The following SDK1 variants were observed in gnomAD, a reference collection of about 807,000 sequenced individuals.
SDK1 encodes the protein sidekick cell adhesion molecule 1.
SDK1 carries 157 observed loss-of-function variants against 245.5 expected under a neutral mutation model. The observed-to-expected ratio is 0.64, with a 90% confidence interval of 0.56 to 0.73. The LOEUF is 0.73. SDK1 is among the 30% of genes least tolerant of loss of function. The probability of loss-of-function intolerance (pLI) is 0.00; values close to 1 mark genes in which losing one functional copy is unlikely to be tolerated. For missense variants in SDK1, 3,583 were observed against 3,002.3 expected (o/e 1.19, Z -4.52); for synonymous variants, 1,647 against 1,278.5 (o/e 1.29, Z -6.15).
At chr7:3,692,394 G>C (rs992142) in intron 4 of SDK1, among the ~76,000 whole-genome samples, 125,292 of 152,072 alleles carry the variant, frequency 0.82, 51,771 homozygotes, top group Non-Finnish European at 0.86. Context: ...TGTGTATTTA[G>C]AATTTGGGAT....
chr7:3,651,630 C>G (rs949873560), intron 4 of SDK1, among the ~76,000 whole-genome samples: 2 of 152,110 alleles, frequency 1.3e-5, no homozygotes, highest in African/African-American at 4.8e-5. Flanking sequence ...GAGACCAATG[C>G]TATGACGTTT....
At chr7:3,795,465 A>G (rs1223536014) in intron 4 of SDK1, among the ~76,000 whole-genome samples, 5 of 152,120 alleles carry the variant, frequency 3.3e-5, no homozygotes, top group Admixed American at 2.6e-4. Context: ...AAGTGCGCTG[A>G]ACTCCTTCAG....
chr7:3,350,844 A>C (rs1232326294), intron 1 of SDK1, among the ~76,000 whole-genome samples: 2 of 152,188 alleles, frequency 1.3e-5, no homozygotes, highest in African/African-American at 2.4e-5. Context: ...CTGTTAAAAT[A>C]GTTTTTTCCC....
chr7:3,739,827 A>G (rs562938881), intron 4 of SDK1, among the ~76,000 whole-genome samples: 1 of 151,802 alleles, frequency 6.6e-6, no homozygotes, highest in South Asian at 2.1e-4. Context: ...TTCTTTGCAT[A>G]TTTCATAAAT....
At chr7:4,080,491 G>A (rs1263820124) in intron 22 of SDK1, among the ~76,000 whole-genome samples, 4 of 152,108 alleles carry the variant, frequency 2.6e-5, no homozygotes, top group African/African-American at 4.8e-5. Flanking sequence ...ACTGCAAGAC[G>A]ATCCACTCCT....
Position 4,019,894 on chromosome 7 carries a change from A to G in SDK1, c.2602+2542A>G, listed in dbSNP as rs779442898. 9.3e-4 allele frequency among the ~76,000 whole-genome samples: 142 copies of G among 152,018 alleles called. 1 individual carries two copies. The highest frequency in any genetic ancestry group is 7.2e-4 in the Non-Finnish European group (49 of 68,014). On this transcript the variant is annotated intron_variant, in intron 17 of 44. Coordinates refer to ENST00000404826, the MANE Select transcript of SDK1 (RefSeq NM_152744.4). ...TGTTCCCTTTTAAGCCTGGTGTGGA[A>G]ACACAGGTGGCCCCGTCCTCCCTTT...
chr7:4,110,368 C>T (rs1368723942), intron 22 of SDK1, among the ~76,000 whole-genome samples: 1 of 152,216 alleles, frequency 6.6e-6, no homozygotes, highest in Admixed American at 6.5e-5. Flanking sequence ...TGATGGCCTC[C>T]AAGCCCTCAG....
intron 1 of SDK1, among the ~76,000 whole-genome samples, chr7:3,476,616 G>A (rs982386988): frequency 2.6e-5 from 4 of 152,108 alleles, no homozygotes; most frequent in African/African-American, 9.7e-5. Context: ...TTTTGATTCT[G>A]TTAATGGTGG....
chr7:4,226,949 T>C (rs555772719), intron 40 of SDK1, among the ~76,000 whole-genome samples: 13 of 152,000 alleles, frequency 8.6e-5, no homozygotes, highest in Non-Finnish European at 1.8e-4. Context: ...TTTTTTTTTT[T>C]TCTTAAATAA....
intron 5 of SDK1, among the ~76,000 whole-genome samples, chr7:3,877,239 T>C (rs917085538): frequency 3.9e-5 from 6 of 152,210 alleles, no homozygotes; most frequent in East Asian, 1.9e-4. Flanking sequence ...CCCTGTTTTT[T>C]CCATGCATTG....
At chr7:4,229,212 C>T (rs1785604310) in intron 40 of SDK1, among the ~76,000 whole-genome samples, 1 of 152,102 alleles carries the variant, frequency 6.6e-6, no homozygotes, top group African/African-American at 2.4e-5. Context: ...AGAGTGGACG[C>T]CTTACCAGCT....
chr7:3,709,437 G>A (rs1784976080), intron 4 of SDK1, among the ~76,000 whole-genome samples: 1 of 152,180 alleles, frequency 6.6e-6, no homozygotes, highest in African/African-American at 2.4e-5. Flanking sequence ...CACTAGGTAG[G>A]GTTAAGGCTT....
chr7:3,372,538 T>C (rs1275480731), intron 1 of SDK1, among the ~76,000 whole-genome samples: 1 of 152,140 alleles, frequency 6.6e-6, no homozygotes, highest in African/African-American at 2.4e-5. Context: ...CTGAGGACAA[T>C]TCAATACCTC....
intron 1 of SDK1, among the ~76,000 whole-genome samples, chr7:3,435,392 T>A (rs112974599): frequency 0.16 from 22,356 of 142,708 alleles, 2,872 homozygotes; most frequent in African/African-American, 0.36. Flanking sequence ...GTGCAGTGAC[T>A]TGATCTCAGC....
intron 4 of SDK1, among the ~76,000 whole-genome samples, chr7:3,761,500 G>C (rs898344897): frequency 1.1e-4 from 17 of 149,908 alleles, no homozygotes; most frequent in African/African-American, 4.2e-4. Context: ...CTTGCAGTGA[G>C]CCGAGATCAT....
At chr7:3,304,340 G>A (rs1779361629) in intron 1 of SDK1, among the ~76,000 whole-genome samples, 1 of 152,222 alleles carries the variant, frequency 6.6e-6, no homozygotes. Context: ...CATCCACCAA[G>A]GAGCCAGCTG....
intron 1 of SDK1, among the ~76,000 whole-genome samples, chr7:3,594,242 A>C (rs1780981183): frequency 6.6e-6 from 1 of 152,206 alleles, no homozygotes; most frequent in South Asian, 2.1e-4. Flanking sequence ...CACTCAACAT[A>C]GTGTTTTCAA....
intron 38 of SDK1, among the ~76,000 whole-genome samples, chr7:4,219,522 T>G (rs1455010102): frequency 6.6e-6 from 1 of 152,168 alleles, no homozygotes; most frequent in Non-Finnish European, 1.5e-5. Flanking sequence ...TCAGATCTCA[T>G]GAGACGTATT....
chr7:3,774,249 A>G (rs1780487234), intron 4 of SDK1, among the ~76,000 whole-genome samples: 1 of 151,376 alleles, frequency 6.6e-6, no homozygotes, highest in East Asian at 1.9e-4. Flanking sequence ...CTGGCCTTTT[A>G]AATCTCATGG....
Sources: allele counts gnomAD v4.1 joint callset (sites outside exome capture counted in the v4.1 genomes callset), GRCh38; gene constraint gnomAD v4.1.1; transcripts MANE v1.5; gene names NCBI Gene and HGNC (gene_info 2026-07-23, HGNC 2026-07-21).